TANC2: variants seen among roughly 807,000 people sequenced by gnomAD.
The protein encoded by TANC2 is protein TANC2.
Under a neutral mutation model 210.5 loss-of-function variants are expected in TANC2, and 26 were observed. The observed-to-expected ratio is 0.12, with a 90% CI of 0.09 to 0.17. The LOEUF (loss-of-function observed/expected upper bound fraction) is 0.17, where lower values mean the gene tolerates loss of function less well. Ranked by LOEUF, TANC2 falls within the 10% of genes least tolerant of loss-of-function variation. The probability of loss-of-function intolerance (pLI) is 1.00; values close to 1 mark genes in which losing one functional copy is unlikely to be tolerated. For missense variants in TANC2, 2,129 were observed against 2,608.9 expected, an observed-to-expected ratio of 0.82 and a Z score of 4.01; for synonymous variants, 931 against 967.1, an observed-to-expected ratio of 0.96 and a Z score of 0.69.
Position 63,412,798 on chromosome 17 carries a change from C to G in TANC2, c.3928+89C>G. The G allele has an allele frequency of 2.1e-6, 3 of 1,424,740 alleles. No homozygotes were observed. The highest frequency in any genetic ancestry group is 2.8e-6 in the Non-Finnish European group (3 of 1,064,954). 88.3% of individuals were successfully genotyped at this position (1,424,740 alleles called of 1,614,324 possible). ...CTTTGGTTTAGCCTGCATGAGTTCC[C>G]TACACCTCTAATCTTTTAATTTACT... is the stretch of plus-strand genomic sequence containing the variant. On this transcript the variant is annotated intron_variant, in intron 24 of 27. Transcript: ENST00000689528. This position sits in a 1 kb window ranked among gnomAD's most constrained non-coding sequence, Gnocchi z 4.2.
intron 14 of TANC2, among the ~76,000 whole-genome samples, chr17:63,379,068 A>C (rs964485322): frequency 3.3e-5 from 5 of 152,198 alleles, no homozygotes; most frequent in African/African-American, 1.2e-4. Flanking sequence ...AAAGAATAGG[A>C]CCAAGAATGA....
intron 3 of TANC2, among the ~76,000 whole-genome samples, chr17:63,087,564 G>T (rs1056362799): frequency 1.3e-5 from 2 of 152,108 alleles, no homozygotes; most frequent in Admixed American, 6.5e-5. Context: ...TGGTTAAGAA[G>T]AATACCATTC....
intron 20 of TANC2, among the ~76,000 whole-genome samples, chr17:63,405,733 A>T (rs2048482807): frequency 6.6e-6 from 1 of 152,242 alleles, no homozygotes; most frequent in South Asian, 2.1e-4. Flanking sequence ...ATTTCAATAG[A>T]AAAAAGGCTG....
intron 2 of TANC2, among the ~76,000 whole-genome samples, chr17:63,049,422 G>C (rs932335786): frequency 6.6e-6 from 1 of 152,068 alleles, no homozygotes; most frequent in Non-Finnish European, 1.5e-5. Context: ...ATGATTGGGG[G>C]GACAGTTATG....
At chr17:63,054,695 G>A (rs984010135) in intron 2 of TANC2, among the ~76,000 whole-genome samples, 2 of 151,940 alleles carry the variant, frequency 1.3e-5, no homozygotes, top group African/African-American at 4.8e-5. Context: ...GTGGTCTTTA[G>A]TTTATGTTCC....
At chr17:63,069,215 T>C (rs1490983810) in intron 2 of TANC2, among the ~76,000 whole-genome samples, 1 of 152,206 alleles carries the variant, frequency 6.6e-6, no homozygotes, top group African/African-American at 2.4e-5. Context: ...ATTATGATTG[T>C]TATGAACATT....
Position 63,411,619 on chromosome 17 carries a change from C to T in TANC2, c.3698C>T (p.Thr1233Ile), listed in dbSNP as rs1387995348. 6.2e-7 allele frequency: 1 copy of T among 1,614,016 alleles called. No homozygotes were observed. Among genetic ancestry groups the T allele is most frequent in the Non-Finnish European group, 8.5e-7 (1 of 1,179,890 alleles). The change falls in exon 22 of 28, where the codon ACA (threonine) becomes ATA (isoleucine). Residue 1233 changes from threonine (T) to isoleucine (I), a missense_variant. Thr to Ile is a moderately conservative substitution (Grantham distance 89). Around this residue, in one of 5 missense-constraint regions of TANC2, gnomAD observed 644 missense variants for 937.5 expected, o/e 0.69. Transcript: ENST00000689528. ...TCTCTGGTGGATAACGGAGCTGCCA[C>T]AGACCATGCTGACAAGAATGGCCGT... is the stretch of plus-strand genomic sequence containing the variant.
At chr17:63,094,490 A>T (rs62076632) in intron 3 of TANC2, among the ~76,000 whole-genome samples, 6 of 152,148 alleles carry the variant, frequency 3.9e-5, no homozygotes, top group Non-Finnish European at 8.8e-5. Flanking sequence ...TTCACCAATG[A>T]TGTATACAGT....
At chr17:62,970,921 G>A (rs947465032) in intron 1 of TANC2, among the ~76,000 whole-genome samples, 3 of 152,144 alleles carry the variant, frequency 2.0e-5, no homozygotes, top group African/African-American at 4.8e-5. Context: ...TTATAAAATA[G>A]TTTGGAAGCT....
intron 3 of TANC2, among the ~76,000 whole-genome samples, chr17:63,090,389 T>G (rs1320750375): frequency 1.3e-5 from 2 of 151,420 alleles, no homozygotes; most frequent in East Asian, 3.9e-4. Flanking sequence ...CAGGCCCCGG[T>G]GTGTGATGTT....
At chr17:63,172,327 G>A (rs1413901494) in intron 5 of TANC2, among the ~76,000 whole-genome samples, 8 of 151,326 alleles carry the variant, frequency 5.3e-5, no homozygotes, top group East Asian at 1.9e-4. Context: ...GATTACAGGC[G>A]CCCGCCACCA....
chr17:63,308,315 A>G (rs765658849), intron 9 of TANC2, among the ~76,000 whole-genome samples: 3 of 152,248 alleles, frequency 2.0e-5, no homozygotes, highest in African/African-American at 7.2e-5. Flanking sequence ...CAGGTCCTAC[A>G]TATTTCTTCA....
At chr17:63,039,702 TA>T (rs2035107894) in intron 2 of TANC2, among the ~76,000 whole-genome samples, 1 of 152,196 alleles carries the variant, frequency 6.6e-6, no homozygotes, top group South Asian at 2.1e-4. Flanking sequence ...GTTAACAAGA[TA>T]AAAGCCTTGG....
intron 4 of TANC2, among the ~76,000 whole-genome samples, chr17:63,143,979 C>A (rs951524721): frequency 2.0e-5 from 3 of 151,634 alleles, no homozygotes; most frequent in Non-Finnish European, 4.4e-5. Context: ...ATAGTGAGAC[C>A]CTGTCTTTAA....
chr17:63,346,526 A>C (rs1402403036), intron 12 of TANC2, among the ~76,000 whole-genome samples: 1 of 152,188 alleles, frequency 6.6e-6, no homozygotes, highest in Admixed American at 6.5e-5. Flanking sequence ...GGGAGATGCA[A>C]ATTAAAATTA....
At chr17:63,037,072 A>T (rs1216657596) in intron 2 of TANC2, among the ~76,000 whole-genome samples, 1 of 152,182 alleles carries the variant, frequency 6.6e-6, no homozygotes, top group African/African-American at 2.4e-5. Context: ...AACAATTATT[A>T]TAACAATATA....
intron 12 of TANC2, among the ~76,000 whole-genome samples, chr17:63,342,643 G>A (rs1322955800): frequency 6.6e-6 from 1 of 151,560 alleles, no homozygotes; most frequent in Non-Finnish European, 1.5e-5. Context: ...GGGCATGGTG[G>A]CGGGCACCTG....
At chr17:63,373,704 G>C (rs879707092) in intron 14 of TANC2, among the ~76,000 whole-genome samples, 16 of 152,044 alleles carry the variant, frequency 1.1e-4, no homozygotes, top group Non-Finnish European at 1.8e-4. Flanking sequence ...TATTTTTCTG[G>C]GTGCAGTGAC....
At chr17:63,050,915 A>G (rs981974903) in intron 2 of TANC2, among the ~76,000 whole-genome samples, 2 of 152,184 alleles carry the variant, frequency 1.3e-5, no homozygotes, top group Admixed American at 1.3e-4. Context: ...CTGTGTCCTA[A>G]ATATTTCACA....
Sources: gnomAD v4.1 joint callset for allele counts (sites outside exome capture counted in the v4.1 genomes callset) on GRCh38, gnomAD v4.1.1 for gene constraint, gnomAD v4.1.1 regional missense constraint, Gnocchi (gnomAD v3.1) non-coding constraint, MANE v1.5 for transcripts, NCBI Gene and HGNC (gene_info 2026-07-23, HGNC 2026-07-21) for gene names.